The following CCDC146 variants were observed in gnomAD, a reference collection of about 807,000 sequenced individuals.
CCDC146 encodes the protein coiled-coil domain containing 146, also known as coiled-coil domain-containing protein 146.
A neutral mutation model predicts 119.3 loss-of-function variants in CCDC146; 92 were observed. The observed-to-expected ratio is 0.77, with a 90% CI of 0.65 to 0.92. The LOEUF (loss-of-function observed/expected upper bound fraction) is 0.92. Among genes scored for constraint, CCDC146 ranks in the 40% least tolerant of loss-of-function variants. CCDC146 has a pLI of 0.00. For synonymous variants in CCDC146, 372 were observed against 371.8 expected (o/e 1.00, Z -0.01); for missense variants, 1,000 against 1,103.0 (o/e 0.91, Z 1.32).
At chr7:77,194,682 G>T (rs1005851408) in intron 2 of CCDC146, 2 of 151,864 alleles carry the variant, frequency 1.3e-5, no homozygotes, top group Non-Finnish European at 2.9e-5. Context: ...TGAAAACTTG[G>T]TTAGTGTATT....
chr7:77,222,688 T>G (rs909217131), intron 2 of CCDC146, among the ~76,000 whole-genome samples: 1 of 152,216 alleles, frequency 6.6e-6, no homozygotes, highest in East Asian at 1.9e-4. Flanking sequence ...AGGTAACAAA[T>G]GACCAGCTAT....
At chr7:77,211,838 A>C (rs1792191023) in intron 2 of CCDC146, among the ~76,000 whole-genome samples, 1 of 150,872 alleles carries the variant, frequency 6.6e-6, no homozygotes. Context: ...CTGGTCTTGA[A>C]CTCCTGACCT....
intron 2 of CCDC146, among the ~76,000 whole-genome samples, chr7:77,226,519 T>G (rs2150469568): frequency 6.6e-6 from 1 of 152,368 alleles, no homozygotes; most frequent in East Asian, 1.9e-4. Context: ...TTTTTGAAAT[T>G]TTTTCCATAT....
At chr7:77,294,506 G>GTGTGTGT (rs1584155964) in intron 18 of CCDC146, among the ~76,000 whole-genome samples, 157 bp from the exon 19 acceptor site, 1 of 144,828 alleles carries the variant, frequency 6.9e-6, no homozygotes, top group Non-Finnish European at 1.5e-5. Context: ...GTGTGTGTGT[G>GTGTGTGT]GTGTGATTCT....
Position 77,286,809 on chromosome 7 carries a change from T to A in CCDC146, c.2160T>A (p.Cys720Ter). The A allele has an allele frequency of 3.1e-6, 5 of 1,613,836 alleles. No individual in the cohort carries two copies. The highest frequency in any genetic ancestry group is 4.2e-6 in the Non-Finnish European group (5 of 1,179,720). The part of the protein sequence containing the change: ...LAVLQIQFSQ[C>*]TDRIKDLEKQ... ...TTTTTTCTTAATAGTTTTCACAGTGTACAGACAGAATTAAAGACCTGGAGA... is the reference window on the plus strand; with the variant it reads ...TTTTTTCTTAATAGTTTTCACAGTGAACAGACAGAATTAAAGACCTGGAGA... The change falls in exon 16 of 19, where the codon TGT becomes TGA. Residue 720 changes from cysteine (C) to a stop codon, truncating the protein, a stop_gained. Coordinates refer to ENST00000285871, the MANE Select transcript of CCDC146 (RefSeq NM_020879.3). LOFTEE classifies it high-confidence loss of function.
intron 2 of CCDC146, among the ~76,000 whole-genome samples, chr7:77,169,007 C>T (rs1289461710): frequency 2.6e-5 from 4 of 151,996 alleles, no homozygotes; most frequent in African/African-American, 9.7e-5. Flanking sequence ...TGCCAGTTGT[C>T]CCAATAATGT....
intron 5 of CCDC146, 111 bp downstream of exon 5, chr7:77,254,674 C>T: frequency 1.7e-6 from 1 of 590,536 alleles, no homozygotes; most frequent in Non-Finnish European, 2.9e-6. Context: ...TTTAAAGACT[C>T]TAAAGTCTTA....
Position 77,262,218 on chromosome 7 carries a change from C to T in CCDC146, c.1084C>T (p.Arg362Ter), listed in dbSNP as rs371350411. 5.8e-5 allele frequency: 94 copies of T among 1,613,766 alleles called. No individual in the cohort carries two copies. Among genetic ancestry groups the T allele is most frequent in the Non-Finnish European group, 7.1e-5 (84 of 1,179,962 alleles). ...GCAAAGAGAGAAAGAACGAGATTTT[C>T]GAAATTTAAGAAAGATGGAACTGCT... ...RKQREKERDF[R>*]NLRKMELLLK... The change falls in exon 9 of 19, where the codon CGA becomes TGA. Residue 362 changes from arginine (R) to a stop codon, truncating the protein, a stop_gained. Transcript: ENST00000285871. LOFTEE classifies it high-confidence loss of function.
chr7:77,161,606 G>T (rs1562819577), intron 1 of CCDC146, among the ~76,000 whole-genome samples: 1 of 137,256 alleles, frequency 7.3e-6, no homozygotes, highest in Admixed American at 8.3e-5. Flanking sequence ...ATGGACCCAG[G>T]AAGGGGAACG....
At chr7:77,155,952 G>T (rs1389527626) in intron 1 of CCDC146, among the ~76,000 whole-genome samples, 9 of 152,120 alleles carry the variant, frequency 5.9e-5, no homozygotes, top group Non-Finnish European at 1.2e-4. Flanking sequence ...TATATAAGAT[G>T]CTTTAAAGAG....
chr7:77,190,607 A>AG (rs887146489), intron 2 of CCDC146, among the ~76,000 whole-genome samples: 7 of 152,280 alleles, frequency 4.6e-5, no homozygotes, highest in African/African-American at 1.7e-4. Flanking sequence ...TCAAAAAGCA[A>AG]GGGGGGGCCC....
chr7:77,177,104 G>A (rs1190314260), intron 2 of CCDC146, among the ~76,000 whole-genome samples: 1 of 151,462 alleles, frequency 6.6e-6, no homozygotes, highest in Non-Finnish European at 1.5e-5. Flanking sequence ...TCAAAATGCT[G>A]GGATTACAGG....
chr7:77,168,753 A>G (rs550101219), intron 2 of CCDC146, among the ~76,000 whole-genome samples: 2 of 152,264 alleles, frequency 1.3e-5, no homozygotes, highest in East Asian at 1.9e-4. Context: ...ATTTGCGTGT[A>G]TCTTTAACCC....
intron 2 of CCDC146, among the ~76,000 whole-genome samples, chr7:77,178,233 GGAA>G (rs1791529649): frequency 6.6e-6 from 1 of 152,198 alleles, no homozygotes; most frequent in Non-Finnish European, 1.5e-5. Context: ...ATTTTGGCCA[GGAA>G]TCTGGGGTAT....
chr7:77,191,847 G>A (rs575968366), intron 2 of CCDC146, among the ~76,000 whole-genome samples: 5 of 152,014 alleles, frequency 3.3e-5, no homozygotes, highest in African/African-American at 9.7e-5. Context: ...GAGGCGGAGC[G>A]TGCAGTGAGC....
chr7:77,198,362 ACAGT>A (rs754566122), intron 2 of CCDC146: 3 of 966,498 alleles, frequency 3.1e-6, no homozygotes, highest in Non-Finnish European at 3.7e-6. Flanking sequence ...AAAGTATGAG[ACAGT>A]CAGCAACAGT....
intron 4 of CCDC146, among the ~76,000 whole-genome samples, chr7:77,251,018 T>A (rs1047803776): frequency 5.2e-4 from 77 of 148,236 alleles, no homozygotes; most frequent in African/African-American, 1.9e-3. Flanking sequence ...TGTGTGTGTG[T>A]GTGTGTGTTT....
chr7:77,266,169 CAT>C (rs1308970522), intron 9 of CCDC146, among the ~76,000 whole-genome samples: 1 of 152,158 alleles, frequency 6.6e-6, no homozygotes, highest in Non-Finnish European at 1.5e-5. Context: ...GCTTTCTAAA[CAT>C]AAGATCATGT....
intron 17 of CCDC146, among the ~76,000 whole-genome samples, chr7:77,292,050 C>T (rs934340578): frequency 2.0e-5 from 3 of 152,134 alleles, no homozygotes; most frequent in Non-Finnish European, 2.9e-5. Flanking sequence ...AATCCCAGCA[C>T]TTTGGGAGGC....
Sources: gnomAD v4.1 joint callset for allele counts (sites outside exome capture counted in the v4.1 genomes callset) on GRCh38, gnomAD v4.1.1 for gene constraint, MANE v1.5 for transcripts, NCBI Gene and HGNC (gene_info 2026-07-23, HGNC 2026-07-21) for gene names.